SLC35F4: variants seen among roughly 807,000 people sequenced by gnomAD.
SLC35F4 encodes the protein solute carrier family 35 member F4, also known as chromosome 14 open reading frame 36.
In SLC35F4, 24 loss-of-function variants were observed where a neutral mutation model predicts 44.2. That is an observed-to-expected ratio of 0.54 (90% confidence interval 0.39 to 0.76). The LOEUF is 0.76. SLC35F4 is among the 30% of genes least tolerant of loss of function. The probability of loss-of-function intolerance (pLI) is 0.00; values close to 1 mark genes in which losing one functional copy is unlikely to be tolerated. For missense variants in SLC35F4, 562 were observed against 586.1 expected, an observed-to-expected ratio of 0.96 and a Z score of 0.42; for synonymous variants, 238 against 223.6, an observed-to-expected ratio of 1.06 and a Z score of -0.57.
chr14:57,794,186 A>C (rs1233026134), intron 1 of SLC35F4, among the ~76,000 whole-genome samples: 1 of 152,182 alleles, frequency 6.6e-6, no homozygotes, highest in African/African-American at 2.4e-5. Flanking sequence ...AAACAAATGC[A>C]ACAAAAATAA....
chr14:57,677,392 C>T (rs978707326), intron 1 of SLC35F4, among the ~76,000 whole-genome samples: 6 of 149,032 alleles, frequency 4.0e-5, no homozygotes, highest in African/African-American at 1.5e-4. Flanking sequence ...CCTTCTTTAC[C>T]CCCAAAACTA....
intron 1 of SLC35F4, among the ~76,000 whole-genome samples, chr14:57,772,628 C>T (rs531168909): frequency 3.1e-4 from 47 of 152,226 alleles, no homozygotes; most frequent in South Asian, 4.1e-4. Flanking sequence ...TATTTGATTT[C>T]GGGCTTTTGA....
intron 1 of SLC35F4, among the ~76,000 whole-genome samples, chr14:57,729,156 G>A (rs919187378): frequency 6.6e-6 from 1 of 152,044 alleles, no homozygotes; most frequent in African/African-American, 2.4e-5. Flanking sequence ...AAACCTGCTT[G>A]GTGTTCTATA....
chr14:57,800,227 G>A (rs28804126), intron 1 of SLC35F4, among the ~76,000 whole-genome samples: 1,957 of 151,880 alleles, frequency 0.013, 37 homozygotes, highest in African/African-American at 0.044. Context: ...AACCAAGGCC[G>A]CTGGGGTCTG....
At chr14:57,765,352 A>T (rs1205835009) in intron 1 of SLC35F4, among the ~76,000 whole-genome samples, 1 of 152,246 alleles carries the variant, frequency 6.6e-6, no homozygotes, top group East Asian at 1.9e-4. Flanking sequence ...TAGGCCTTAC[A>T]GGCAAGATAA....
At chr14:57,772,537 T>C (rs752880278) in intron 1 of SLC35F4, among the ~76,000 whole-genome samples, 6 of 152,214 alleles carry the variant, frequency 3.9e-5, no homozygotes, top group African/African-American at 9.6e-5. Flanking sequence ...ACTTTTCTCC[T>C]TTTGGAGTCC....
intron 1 of SLC35F4, among the ~76,000 whole-genome samples, chr14:57,927,437 C>T (rs1230142124): frequency 6.6e-6 from 1 of 151,646 alleles, no homozygotes; most frequent in Non-Finnish European, 1.5e-5. Context: ...AAACTTTTGC[C>T]CTCATTGTCT....
chr14:57,696,161 A>G (rs1404633090), intron 1 of SLC35F4, among the ~76,000 whole-genome samples: 1 of 152,222 alleles, frequency 6.6e-6, no homozygotes, highest in Non-Finnish European at 1.5e-5. Flanking sequence ...AGAATGGGAG[A>G]AAATTTTTGC....
At chr14:57,740,850 AAGTAGCCTAATTGGGAGACACCTCCC>A (rs1340090465) in intron 1 of SLC35F4, among the ~76,000 whole-genome samples, 1 of 152,200 alleles carries the variant, frequency 6.6e-6, no homozygotes, top group Non-Finnish European at 1.5e-5. Context: ...CCTGACCCCC[AAGTAGCCTAATTGGGAGACACCTCCC>A]AGTAGGGGCC....
At chr14:57,895,490 C>T (rs530041564) in intron 1 of SLC35F4, among the ~76,000 whole-genome samples, 1 of 151,966 alleles carries the variant, frequency 6.6e-6, no homozygotes, top group Non-Finnish European at 1.5e-5. Flanking sequence ...GGAAGATTTC[C>T]CCCTTGCTGT....
At chr14:57,747,071 A>G (rs929235665) in intron 1 of SLC35F4, among the ~76,000 whole-genome samples, 6 of 152,226 alleles carry the variant, frequency 3.9e-5, no homozygotes, top group Middle Eastern at 3.2e-3. Context: ...CCATTGGGAC[A>G]TTCAGCATCT....
chr14:57,865,274 G>T (rs1213625918), intron 1 of SLC35F4, among the ~76,000 whole-genome samples: 1 of 138,170 alleles, frequency 7.2e-6, no homozygotes, highest in Non-Finnish European at 1.6e-5. Context: ...GGCCGCCCCC[G>T]CCAGCCCCAC....
rs547277752 is a variant in SLC35F4, at chr14:57,808,154, C to T, written c.103+57569G>A. Among the ~76,000 whole-genome samples the T allele has an allele frequency of 2.0e-5, 3 of 151,892 alleles. No individual in the cohort carries two copies. In the East Asian group the frequency reaches 5.8e-4, roughly 29 times the overall value. On this transcript the variant is annotated intron_variant, in intron 1 of 7. Coordinates refer to ENST00000556826, the MANE Select transcript of SLC35F4 (RefSeq NM_001306087.2). Reference sequence around the variant, plus strand: ...TGACACAGCCAAGCCATATCAGGCACAATTATAAATGCTTTATAAATATTA... The same window carrying T: ...TGACACAGCCAAGCCATATCAGGCATAATTATAAATGCTTTATAAATATTA...
chr14:57,882,262 G>T (rs1161305815), intron 1 of SLC35F4, among the ~76,000 whole-genome samples: 2 of 152,124 alleles, frequency 1.3e-5, no homozygotes, highest in Non-Finnish European at 2.9e-5. Context: ...TGGTGTATTT[G>T]CACCTGAGAT....
chr14:57,820,455 C>T lies in SLC35F4; in HGVS notation c.103+45268G>A, dbSNP rs1046699254. On this transcript the variant is annotated intron_variant, in intron 1 of 7. Transcript: ENST00000556826. ...CCAGAGCACAGACAGCATGCCACAG[C>T]GGAGAAAAAATAACGTATAAGCCAA... Among the ~76,000 whole-genome samples, 11 of 151,716 alleles carry T rather than the reference C, an allele frequency of 7.3e-5. No individual in the cohort carries two copies. In the South Asian group the frequency reaches 1.2e-3, roughly 17 times the overall value.
chr14:57,742,109 C>T (rs1210482696), intron 1 of SLC35F4, among the ~76,000 whole-genome samples: 1 of 152,182 alleles, frequency 6.6e-6, no homozygotes, highest in Non-Finnish European at 1.5e-5. Flanking sequence ...GTACGAGCCA[C>T]TGAAAAAACA....
intron 1 of SLC35F4, among the ~76,000 whole-genome samples, chr14:57,660,550 A>G (rs1221091866): frequency 6.7e-6 from 1 of 148,830 alleles, no homozygotes; most frequent in Non-Finnish European, 1.5e-5. Flanking sequence ...AAGGGCATGA[A>G]CACCAGGACA....
chr14:57,725,326 CCAA>C (rs1167705867), intron 1 of SLC35F4, among the ~76,000 whole-genome samples: 1 of 152,208 alleles, frequency 6.6e-6, no homozygotes, highest in African/African-American at 2.4e-5. Flanking sequence ...GCAGTAGAGA[CCAA>C]CACTGAGCCC....
chr14:57,681,009 G>C (rs2074882279), intron 1 of SLC35F4, among the ~76,000 whole-genome samples: 1 of 151,656 alleles, frequency 6.6e-6, no homozygotes, highest in Non-Finnish European at 1.5e-5. Flanking sequence ...CGAAGAATTG[G>C]AAAAAAACTA....
Sources: allele counts gnomAD v4.1 joint callset (sites outside exome capture counted in the v4.1 genomes callset), GRCh38; gene constraint gnomAD v4.1.1; transcripts MANE v1.5; gene names NCBI Gene and HGNC (gene_info 2026-07-23, HGNC 2026-07-21).